The following RHBDD1 variants were observed in gnomAD, a reference collection of about 807,000 sequenced individuals.
RHBDD1 encodes rhomboid domain containing 1.
Under a neutral mutation model 36.3 loss-of-function variants are expected in RHBDD1, and 38 were observed. The ratio of observed to expected loss-of-function variants is 1.05; its 90% CI spans 0.81 to 1.37. The LOEUF (loss-of-function observed/expected upper bound fraction) is 1.37. RHBDD1 is among the 40% of genes most tolerant of loss of function. The pLI is 0.00. For synonymous variants in RHBDD1, 151 were observed against 136.5 expected (o/e 1.11, Z -0.74); for missense variants, 393 against 377.6 (o/e 1.04, Z -0.34).
intron 4 of RHBDD1, 64 bp from the exon 5 acceptor site, chr2:226,867,122 T>C (rs1944407904): frequency 2.8e-6 from 4 of 1,441,238 alleles, no homozygotes; most frequent in Admixed American, 4.5e-5. Flanking sequence ...TTAACTTTCT[T>C]TGTAAATGTT....
In RHBDD1 at chr2:226,881,811, C is replaced by T. The variant is rs116108541; in HGVS notation, c.566+14493C>T. On this transcript the variant is annotated intron_variant, in intron 5 of 8. Transcript: ENST00000392062. Reference sequence around the variant, plus strand: ...AAATTATTCCACTGCTGTTGCTTACCGTTCTTTATTTGTGAAATGGGACAT... The same window carrying T: ...AAATTATTCCACTGCTGTTGCTTACTGTTCTTTATTTGTGAAATGGGACAT... Among the ~76,000 whole-genome samples, 421 of 152,160 alleles carry T rather than the reference C, an allele frequency of 2.8e-3. 1 individual carries two copies. The highest frequency in any genetic ancestry group is 9.1e-3 in the African/African-American group (376 of 41,518).
intron 8 of RHBDD1, among the ~76,000 whole-genome samples, chr2:226,953,986 T>A (rs1951610067): frequency 6.6e-6 from 1 of 152,278 alleles, no homozygotes; most frequent in Admixed American, 6.5e-5. Flanking sequence ...CCTCCTGCCA[T>A]GGCTTCTGAA....
At chr2:226,980,948 A>G (rs537624704) in intron 8 of RHBDD1, among the ~76,000 whole-genome samples, 9 of 152,330 alleles carry the variant, frequency 5.9e-5, no homozygotes, top group African/African-American at 2.2e-4. Flanking sequence ...CGTAGCAGAG[A>G]CCATTTTAAA....
chr2:226,873,791 C>T (rs1195978914), intron 5 of RHBDD1, among the ~76,000 whole-genome samples: 2 of 152,108 alleles, frequency 1.3e-5, no homozygotes, highest in African/African-American at 2.4e-5. Context: ...GAAATTGAGA[C>T]ATGGAGGAAG....
intron 8 of RHBDD1, among the ~76,000 whole-genome samples, chr2:226,961,945 G>C (rs888255026): frequency 6.6e-6 from 1 of 152,174 alleles, no homozygotes; most frequent in Non-Finnish European, 1.5e-5. Context: ...GGTTCACATA[G>C]AGTTACAATT....
intron 3 of RHBDD1, among the ~76,000 whole-genome samples, chr2:226,848,715 A>C (rs1307077278): frequency 6.6e-6 from 1 of 152,172 alleles, no homozygotes. Flanking sequence ...TGGGACTCTG[A>C]GTGTAGACTA....
intron 8 of RHBDD1, among the ~76,000 whole-genome samples, chr2:226,916,545 TTCAAA>T (rs1948921798): frequency 6.6e-6 from 1 of 152,172 alleles, no homozygotes; most frequent in South Asian, 2.1e-4. Flanking sequence ...CAAGGCTGAC[TTCAAA>T]TAAAGTCAAA....
At chr2:226,896,082 A>T (rs537175486) in intron 5 of RHBDD1, among the ~76,000 whole-genome samples, 2 of 152,330 alleles carry the variant, frequency 1.3e-5, no homozygotes, top group East Asian at 3.9e-4. Flanking sequence ...ATGTAACATT[A>T]TAACTGTATA....
the RHBDD1 span, among the ~76,000 whole-genome samples, chr2:226,814,585 A>T: frequency 6.6e-6 from 1 of 152,144 alleles, no homozygotes; most frequent in African/African-American, 2.4e-5. Context: ...GGAGATGGAG[A>T]GCATGAGGGG....
chr2:226,909,717 C>A (rs1948378426), intron 7 of RHBDD1, among the ~76,000 whole-genome samples: 1 of 152,108 alleles, frequency 6.6e-6, no homozygotes. Context: ...CAGCAGTCTG[C>A]AACCTGGAAG....
intron 8 of RHBDD1, among the ~76,000 whole-genome samples, chr2:226,952,449 C>T (rs1341029245): frequency 6.6e-6 from 1 of 152,010 alleles, no homozygotes; most frequent in Non-Finnish European, 1.5e-5. Context: ...AGGCACATGC[C>T]ACCACGCCCA....
intron 8 of RHBDD1, among the ~76,000 whole-genome samples, chr2:226,940,367 G>A (rs140658349): frequency 2.6e-5 from 4 of 152,222 alleles, no homozygotes; most frequent in East Asian, 1.9e-4. Context: ...AAACATGTCT[G>A]TAACATTTTA....
intron 4 of RHBDD1, 55 bp downstream of exon 4, chr2:226,865,181 G>T: frequency 7.4e-7 from 1 of 1,343,876 alleles, no homozygotes; most frequent in Non-Finnish European, 1.0e-6. Context: ...GGGAGGTGTG[G>T]CTGCTGTCAT....
chr2:226,984,923 G>A (rs1250040479), intron 8 of RHBDD1, among the ~76,000 whole-genome samples: 2 of 139,050 alleles, frequency 1.4e-5, no homozygotes, highest in Non-Finnish European at 3.1e-5. Flanking sequence ...TCTCCTGGGG[G>A]TTGGGGTGGG....
At chr2:226,932,602 G>A (rs1336630367) in intron 8 of RHBDD1, among the ~76,000 whole-genome samples, 1 of 151,954 alleles carries the variant, frequency 6.6e-6, no homozygotes, top group African/African-American at 2.4e-5. Flanking sequence ...GACTCGGATA[G>A]GTTCTCCTTC....
At chr2:226,949,882 A>G (rs1211966232) in intron 8 of RHBDD1, among the ~76,000 whole-genome samples, 2 of 152,118 alleles carry the variant, frequency 1.3e-5, no homozygotes, top group Non-Finnish European at 1.5e-5. Context: ...TTATAAGGAT[A>G]CTAGTCAGAT....
intron 3 of RHBDD1, among the ~76,000 whole-genome samples, chr2:226,840,661 A>G (rs1013734863): frequency 1.3e-5 from 2 of 152,168 alleles, no homozygotes; most frequent in East Asian, 3.8e-4. Flanking sequence ...TTGACCCCAG[A>G]TCTTCTGGCA....
intron 3 of RHBDD1, among the ~76,000 whole-genome samples, chr2:226,856,904 G>A (rs988509399): frequency 7.9e-5 from 12 of 152,132 alleles, no homozygotes; most frequent in African/African-American, 2.2e-4. Context: ...GCAGTCAAAT[G>A]TGTTGGCCTA....
At chr2:226,937,418 C>G (rs1950400285) in intron 8 of RHBDD1, among the ~76,000 whole-genome samples, 1 of 152,020 alleles carries the variant, frequency 6.6e-6, no homozygotes, top group African/African-American at 2.4e-5. Context: ...TTGAGCCTTT[C>G]TAATTCCTTT....
Sources: gnomAD v4.1 joint callset for allele counts (sites outside exome capture counted in the v4.1 genomes callset) on GRCh38, gnomAD v4.1.1 for gene constraint, MANE v1.5 for transcripts, NCBI Gene and HGNC (gene_info 2026-07-23, HGNC 2026-07-21) for gene names.